IPO7: variants seen among roughly 807,000 people sequenced by gnomAD.
IPO7 encodes the protein importin 7, also known as importin-7.
Under a neutral mutation model 136.4 loss-of-function variants are expected in IPO7, and 13 were observed. The ratio of observed to expected loss-of-function variants is 0.10; its 90% CI spans 0.06 to 0.15. The LOEUF (loss-of-function observed/expected upper bound fraction) is 0.15. IPO7 is among the 10% of genes least tolerant of loss of function. IPO7 has a pLI of 1.00. For missense variants in IPO7, 857 were observed against 1,240.6 expected (o/e 0.69, Z 4.65); for synonymous variants, 403 against 404.4 (o/e 1.00, Z 0.04).
rs1564998468 is a variant in IPO7, at chr11:9,419,558, A to AT, written c.727-853_727-852insT. Among the ~76,000 whole-genome samples the AT allele has an allele frequency of 7.9e-3, 1,060 of 133,466 alleles. 10 individuals are homozygous for AT. The highest frequency in any genetic ancestry group is 0.023 in the African/African-American group (787 of 34,012). The allele number at this position is 133,466 out of a possible 152,430, so 87.6% of individuals were successfully genotyped here. A position where few individuals can be genotyped will look rare whatever the true frequency, so the allele number is the denominator to read the frequency against. On this transcript the variant is annotated intron_variant, in intron 6 of 24. Transcript: ENST00000379719. ...TGAGACTCTGTCTAAAAAAAAAAAAAAATATATATATATATATATATATAT... is the reference window on the plus strand; with the variant it reads ...TGAGACTCTGTCTAAAAAAAAAAAAATAATATATATATATATATATATATAT...
At chr11:9,400,907 G>C (rs1312214371) in intron 1 of IPO7, among the ~76,000 whole-genome samples, 13 of 151,628 alleles carry the variant, frequency 8.6e-5, no homozygotes, top group African/African-American at 3.1e-4. Flanking sequence ...ATAGCTGGGC[G>C]CAGGTGGCTC....
intron 8 of IPO7, among the ~76,000 whole-genome samples, chr11:9,421,374 A>G (rs575001086): frequency 3.3e-5 from 5 of 151,710 alleles, no homozygotes; most frequent in African/African-American, 1.2e-4. Context: ...ATAATCCTAT[A>G]ATCCCAGCAC....
intron 6 of IPO7, among the ~76,000 whole-genome samples, chr11:9,419,561 T>A (rs59412340): frequency 0.17 from 15,564 of 91,016 alleles, 959 homozygotes; most frequent in Non-Finnish European, 0.2. Flanking sequence ...AAAAAAAAAA[T>A]ATATATATAT....
chr11:9,407,248 T>C (rs534120805), intron 2 of IPO7, among the ~76,000 whole-genome samples: 2 of 152,262 alleles, frequency 1.3e-5, no homozygotes, highest in Admixed American at 6.5e-5. Context: ...TTGGTCCTAT[T>C]TGATTCTTTA....
intron 6 of IPO7, among the ~76,000 whole-genome samples, chr11:9,419,755 CAAAT>C (rs1383462441): frequency 1.3e-5 from 2 of 151,576 alleles, no homozygotes; most frequent in African/African-American, 4.8e-5. Context: ...TTCTCATACA[CAAAT>C]CGTTGCGCAT....
chr11:9,408,462 T>C, intron 2 of IPO7, 24 bp from the exon 3 acceptor site: 2 of 1,421,182 alleles, frequency 1.4e-6, no homozygotes, highest in Middle Eastern at 2.2e-4. Flanking sequence ...AAACATTCTT[T>C]TGTCAAACTG....
intron 1 of IPO7, among the ~76,000 whole-genome samples, chr11:9,399,065 G>T (rs1419913264): frequency 6.6e-6 from 1 of 152,060 alleles, no homozygotes; most frequent in Non-Finnish European, 1.5e-5. Context: ...AAGATCTTTG[G>T]CTGCTAAATG....
intron 12 of IPO7, among the ~76,000 whole-genome samples, chr11:9,426,393 A>T (rs1855208734): frequency 1.3e-5 from 2 of 152,200 alleles, no homozygotes; most frequent in African/African-American, 4.8e-5. Context: ...CATTATATTA[A>T]TATACCACAT....
chr11:9,420,109 G>C (rs1322708858), intron 6 of IPO7, among the ~76,000 whole-genome samples: 1 of 152,040 alleles, frequency 6.6e-6, no homozygotes, highest in East Asian at 1.9e-4. Context: ...GGATCACGAG[G>C]TCAGGAGATG....
intron 6 of IPO7, among the ~76,000 whole-genome samples, chr11:9,418,501 A>G (rs532064070): frequency 6.6e-6 from 1 of 152,214 alleles, no homozygotes; most frequent in Non-Finnish European, 1.5e-5. Context: ...TTAATCGCAT[A>G]AGTGAGACCA....
intron 1 of IPO7, among the ~76,000 whole-genome samples, chr11:9,394,851 CTA>C (rs1454157325): frequency 6.6e-5 from 10 of 152,056 alleles, no homozygotes; most frequent in Non-Finnish European, 1.5e-4. Context: ...TTAAGTGTGA[CTA>C]TTGAAATTAT....
intron 15 of IPO7, chr11:9,430,509 C>A: frequency 5.7e-6 from 1 of 174,356 alleles, no homozygotes; most frequent in East Asian, 1.6e-4. Flanking sequence ...AATCAGTGAC[C>A]CCCTTGATGA....
rs1855543902 is a variant in IPO7, at chr11:9,447,398, A to C, written c.*2204A>C. 1 of 152,184 alleles carries C rather than the reference A, an allele frequency of 6.6e-6. No individual in the cohort carries two copies. The highest frequency in any genetic ancestry group is 6.6e-5 in the Admixed American group (1 of 15,260). 9.4% of individuals were successfully genotyped at this position (152,184 alleles called of 1,614,324 possible). A position where few individuals can be genotyped will look rare whatever the true frequency, so the allele number is the denominator to read the frequency against. On this transcript the variant is annotated 3_prime_UTR_variant, in exon 25 of 25. Transcript: ENST00000379719. ...TGAAATTAGACCTTATAATTAAACT[A>C]TTTAAATAGTGTTCAAATGATAGTT...
intron 22 of IPO7, among the ~76,000 whole-genome samples, chr11:9,439,240 C>T (rs1012442290): frequency 6.6e-6 from 1 of 152,176 alleles, no homozygotes; most frequent in African/African-American, 2.4e-5. Flanking sequence ...CTCAGCCCCC[C>T]AGATAGCTGG....
At chr11:9,419,779 T>C (rs974561312) in intron 6 of IPO7, among the ~76,000 whole-genome samples, 70 of 151,928 alleles carry the variant, frequency 4.6e-4, no homozygotes, top group African/African-American at 1.6e-3. Flanking sequence ...TTTATACTTA[T>C]ATATCTGAAA....
Position 9,440,571 on chromosome 11 carries a change from G to A in IPO7, c.2812G>A (p.Glu938Lys). ...DDEDWEEDDA[E>K]ETALEGYSTI... ...TGAAGATTGGGAAGAAGATGATGCT[G>A]AAGAGACTGCTCTGGAAGGCTATTC... Residue 938 changes from glutamate to lysine, a missense_variant, in exon 23 of 25, where the codon GAA (glutamate) becomes AAA (lysine). Around this residue, in one of 11 missense-constraint regions of IPO7, gnomAD observed 119 missense variants for 155.5 expected, o/e 0.77. Coordinates refer to ENST00000379719, the MANE Select transcript of IPO7 (RefSeq NM_006391.3). 1 of 1,613,958 alleles carries A rather than the reference G, an allele frequency of 6.2e-7. No homozygotes were observed. Among genetic ancestry groups the A allele is most frequent in the East Asian group, 2.2e-5 (1 of 44,866 alleles).
Position 9,429,567 on chromosome 11 carries a change from C to T in IPO7, c.1592-107C>T, listed in dbSNP as rs189227684. 113 of 743,390 alleles carry T rather than the reference C, an allele frequency of 1.5e-4. No individual in the cohort carries two copies. In the African/African-American group the frequency reaches 1.9e-3, roughly 12 times the overall value. The allele number at this position is 743,390 out of a possible 1,614,324, so 46.0% of individuals were successfully genotyped here. On this transcript the variant is annotated intron_variant, in intron 14 of 24. Coordinates refer to ENST00000379719, the MANE Select transcript of IPO7 (RefSeq NM_006391.3). Reference sequence around the variant, plus strand: ...ATAATCCTAGAAACTTGGCATACTTCCTTTTTATGTGAAAGTACTTTTTTA... The same window carrying T: ...ATAATCCTAGAAACTTGGCATACTTTCTTTTTATGTGAAAGTACTTTTTTA...
chr11:9,436,674 GTTTGTTT>G (rs921766356), intron 20 of IPO7, among the ~76,000 whole-genome samples: 22 of 149,570 alleles, frequency 1.5e-4, no homozygotes, highest in East Asian at 3.9e-4. Context: ...GTTTTGTTTT[GTTTGTTT>G]TTTGTTTTTT....
chr11:9,415,638 A>G (rs1015180650), intron 5 of IPO7, among the ~76,000 whole-genome samples: 1 of 152,118 alleles, frequency 6.6e-6, no homozygotes, highest in African/African-American at 2.4e-5. Flanking sequence ...GGAGGTCGAG[A>G]CCATCCTGGC....
Sources: gnomAD v4.1 joint callset for allele counts (sites outside exome capture counted in the v4.1 genomes callset) on GRCh38, gnomAD v4.1.1 for gene constraint, gnomAD v4.1.1 regional missense constraint, MANE v1.5 for transcripts, NCBI Gene and HGNC (gene_info 2026-07-23, HGNC 2026-07-21) for gene names.